The following LINS1 variants were observed in gnomAD, a reference collection of about 807,000 sequenced individuals.
The protein encoded by LINS1 is protein Lines homolog 1.
A neutral mutation model predicts 41.6 loss-of-function variants in LINS1; 27 were observed. The ratio of observed to expected loss-of-function variants is 0.65; its 90% CI spans 0.48 to 0.89. The LOEUF (loss-of-function observed/expected upper bound fraction) is 0.89, where lower values mean the gene tolerates loss of function less well. Among genes scored for constraint, LINS1 ranks in the 40% least tolerant of loss-of-function variants. The pLI, the probability that LINS1 is intolerant of heterozygous loss-of-function variation, is 0.00. For missense variants in LINS1, 955 were observed against 884.1 expected (o/e 1.08, Z -1.02); for synonymous variants, 336 against 312.9 (o/e 1.07, Z -0.78).
chr15:100,580,798 T>C lies in LINS1; in HGVS notation c.45A>G (p.Val15=). 1 of 1,611,338 alleles carries C rather than the reference T, an allele frequency of 6.2e-7. No individual in the cohort carries two copies. Among genetic ancestry groups the C allele is most frequent in the South Asian group, 1.1e-5 (1 of 90,758 alleles). Residue 15 remains valine (V), a synonymous_variant, in exon 2 of 7, where the codon GTA becomes GTG. Coordinates refer to ENST00000314742, the MANE Select transcript of LINS1 (RefSeq NM_001040616.3). Reference sequence around the variant, plus strand: ...CATTTTCAAGTGTGGCTCCAAGAAGTACCTTCTTGTATAACTCTTCTAAAA... The same window carrying C: ...CATTTTCAAGTGTGGCTCCAAGAAGCACCTTCTTGTATAACTCTTCTAAAA... The part of the protein sequence containing the change: ...CEVLEELYKK[V]LLGATLENDS...
chr15:100,578,095 A>G (rs1483935338), intron 3 of LINS1, among the ~76,000 whole-genome samples: 1 of 152,204 alleles, frequency 6.6e-6, no homozygotes, highest in African/African-American at 2.4e-5. Context: ...AGGCAATACC[A>G]TTCAGGACAT....
Position 100,577,646 on chromosome 15 carries a change from C to T in LINS1, c.490-2518G>A, listed in dbSNP as rs2038264440. On this transcript the variant is annotated intron_variant, in intron 3 of 6. Coordinates refer to ENST00000314742, the MANE Select transcript of LINS1 (RefSeq NM_001040616.3). ...GCCATCCCCATCAAGCTACCAATGG[C>T]TTTCTTCACAGAATTGGAAAAAACT... Among the ~76,000 whole-genome samples the T allele has an allele frequency of 2.0e-5, 3 of 152,194 alleles. No individual in the cohort carries two copies. The South Asian group carries it at 6.2e-4, about 32-fold the overall frequency.
intron 1 of LINS1, among the ~76,000 whole-genome samples, chr15:100,584,580 A>G (rs1416479732): frequency 6.6e-6 from 1 of 152,198 alleles, no homozygotes; most frequent in Admixed American, 6.6e-5. Flanking sequence ...GGAAAAAAAA[A>G]AAGTATTGGG....
chr15:100,587,803 ACTTTT>A (rs2038874202), intron 1 of LINS1, among the ~76,000 whole-genome samples: 1 of 152,164 alleles, frequency 6.6e-6, no homozygotes, highest in Non-Finnish European at 1.5e-5. Flanking sequence ...TCTTGATTAT[ACTTTT>A]GTAAATAGAA....
intron 5 of LINS1, chr15:100,573,271 T>A (rs1218955046): frequency 4.9e-6 from 3 of 609,726 alleles, no homozygotes; most frequent in African/African-American, 2.0e-5. Flanking sequence ...CGAAGGGGGG[T>A]CAGGGCTGCA....
At chr15:100,572,762 G>T (rs2037902852) in intron 5 of LINS1, 1 of 981,070 alleles carries the variant, frequency 1.0e-6, no homozygotes, top group Non-Finnish European at 1.2e-6. Flanking sequence ...AAGTAAAATG[G>T]AAGACTTTGA....
At chr15:100,583,657 A>G (rs1020555948) in intron 1 of LINS1, among the ~76,000 whole-genome samples, 2 of 152,170 alleles carry the variant, frequency 1.3e-5, no homozygotes, top group African/African-American at 2.4e-5. Flanking sequence ...TACTGTCTAC[A>G]ATTCCCAAAT....
intron 1 of LINS1, among the ~76,000 whole-genome samples, chr15:100,582,711 C>T (rs1159701479): frequency 2.0e-5 from 3 of 150,020 alleles, no homozygotes; most frequent in Non-Finnish European, 1.5e-5. Flanking sequence ...CTATGGCCCA[C>T]TAGCCTAGTC....
chr15:100,577,721 T>C, intron 3 of LINS1, among the ~76,000 whole-genome samples: 1 of 152,150 alleles, frequency 6.6e-6, no homozygotes, highest in East Asian at 1.9e-4. Context: ...GCCAAGTCAA[T>C]CCTAAGCCAA....
intron 3 of LINS1, among the ~76,000 whole-genome samples, chr15:100,576,185 T>C (rs1217260540): frequency 6.6e-6 from 1 of 151,992 alleles, no homozygotes; most frequent in Non-Finnish European, 1.5e-5. Context: ...AGAGCAGAAC[T>C]GAAGGAGATA....
intron 1 of LINS1, among the ~76,000 whole-genome samples, chr15:100,598,331 T>C (rs2141366495): frequency 6.6e-6 from 1 of 152,328 alleles, no homozygotes; most frequent in African/African-American, 2.4e-5. Context: ...TCCCAAAGTA[T>C]ATTTTAGTAC....
At chr15:100,596,898 C>T (rs1278166516) in intron 1 of LINS1, 2 of 152,226 alleles carry the variant, frequency 1.3e-5, no homozygotes, top group South Asian at 2.1e-4. Context: ...CCGCCCACTC[C>T]CTGCCACGTA....
intron 3 of LINS1, among the ~76,000 whole-genome samples, chr15:100,577,952 G>C (rs2038287360): frequency 6.6e-6 from 1 of 152,296 alleles, no homozygotes; most frequent in South Asian, 2.1e-4. Context: ...AAATGGTGCT[G>C]GGAAAACTGG....
At chr15:100,576,246 T>G (rs1274762491) in intron 3 of LINS1, among the ~76,000 whole-genome samples, 2 of 152,246 alleles carry the variant, frequency 1.3e-5, no homozygotes, top group Middle Eastern at 3.4e-3. Context: ...GCTGGTTTTT[T>G]GAAAAGACCA....
Position 100,580,357 on chromosome 15 carries a change from A to G in LINS1, c.400-5T>C. On this transcript the variant is annotated splice_polypyrimidine_tract_variant and splice_region_variant and intron_variant, in intron 2 of 6. Transcript: ENST00000314742. Reference sequence around the variant, plus strand: ...TGAATTTTGGAACATGCAGATCTACAGGAAAACAAATATAATTAACCACTA... The same window carrying G: ...TGAATTTTGGAACATGCAGATCTACGGGAAAACAAATATAATTAACCACTA... 1.2e-6 allele frequency: 2 copies of G among 1,611,016 alleles called. No homozygotes were observed. The highest frequency in any genetic ancestry group is 1.7e-6 in the Non-Finnish European group (2 of 1,177,488).
rs776962968 is a variant in LINS1 at position 100,573,752 on chromosome 15, A to G, written c.1121T>C (p.Ile374Thr). The change falls in exon 5 of 7, where the codon ATC becomes ACC. Residue 374 changes from isoleucine to threonine, a missense_variant. By Grantham distance (89) the Ile-to-Thr change is moderately conservative (BLOSUM62 -1). Coordinates refer to ENST00000314742, the MANE Select transcript of LINS1 (RefSeq NM_001040616.3). ...AAGGATCACATGATCTGGACTAGTG[A>G]TAAGTTCACATTCAGGTTGAACTTC... ...GDEVQPECEL[I>T]TSPDHVILRA... The G allele has an allele frequency of 1.5e-5, 25 of 1,613,816 alleles. No homozygotes were observed. Among genetic ancestry groups the G allele is most frequent in the South Asian group, 1.2e-4 (11 of 91,084 alleles).
Position 100,580,870 on chromosome 15 carries a change from A to G in LINS1, c.-28T>C, listed in dbSNP as rs1331795695. On this transcript the variant is annotated 5_prime_UTR_variant, in exon 2 of 7. Coordinates refer to ENST00000314742, the MANE Select transcript of LINS1 (RefSeq NM_001040616.3). ...TGACTTCCAAAATGTATCTTATAAG[A>G]AGGTCGACAACTCCAAGTTGTAAAC... 3 of 1,596,768 alleles carry G rather than the reference A, an allele frequency of 1.9e-6. No homozygotes were observed. The East Asian group carries it at 6.7e-5, about 36-fold the overall frequency.
chr15:100,598,388 T>G (rs2039337265), intron 1 of LINS1, among the ~76,000 whole-genome samples: 1 of 152,196 alleles, frequency 6.6e-6, no homozygotes, highest in South Asian at 2.1e-4. Flanking sequence ...ATATTTTAAG[T>G]TGTGAATTTT....
At chr15:100,573,555 C>A in intron 5 of LINS1, 96 bp downstream of exon 5, 1 of 859,126 alleles carries the variant, frequency 1.2e-6, no homozygotes, top group South Asian at 1.6e-5. Flanking sequence ...GCTTAAATTA[C>A]TGGAATTTAA....
Sources: allele counts gnomAD v4.1 joint callset (sites outside exome capture counted in the v4.1 genomes callset), GRCh38; gene constraint gnomAD v4.1.1; transcripts MANE v1.5; gene names NCBI Gene and HGNC (gene_info 2026-07-23, HGNC 2026-07-21).